Variants in JAK1 observed in about 807,000 individuals in gnomAD.
The protein encoded by JAK1 is tyrosine-protein kinase JAK1.
Under a neutral mutation model 136.6 loss-of-function variants are expected in JAK1, and 16 were observed. The ratio of observed to expected loss-of-function variants is 0.12; its 90% CI spans 0.08 to 0.18. JAK1 has a LOEUF of 0.18. Among genes scored for constraint, JAK1 ranks in the 10% least tolerant of loss-of-function variants. The probability of loss-of-function intolerance (pLI) is 1.00; values close to 1 mark genes in which losing one functional copy is unlikely to be tolerated. For missense variants in JAK1, 859 were observed against 1,450.1 expected (o/e 0.59, Z 6.62); for synonymous variants, 492 against 519.5 (o/e 0.95, Z 0.72).
rs573543141 is a variant in JAK1, at chr1:64,922,846, C to T, written c.-77-36505G>A. On this transcript the variant is annotated intron_variant, in intron 1 of 24. Transcript: ENST00000342505. Reference sequence around the variant, plus strand: ...TCAAACCTGAGTTTAAATCCTGGCTCTGCCACTTATGAGCTCTGTGTGGTC... The same window carrying T: ...TCAAACCTGAGTTTAAATCCTGGCTTTGCCACTTATGAGCTCTGTGTGGTC... Among the ~76,000 whole-genome samples, 9 of 152,284 alleles carry T rather than the reference C, an allele frequency of 5.9e-5. No homozygotes were observed. The South Asian group carries it at 1.5e-3, about 25-fold the overall frequency.
chr1:64,903,263 G>A (rs946179011), intron 1 of JAK1, among the ~76,000 whole-genome samples: 1 of 152,170 alleles, frequency 6.6e-6, no homozygotes, highest in Non-Finnish European at 1.5e-5. Context: ...CTGACCTCAG[G>A]TGATCCACCG....
chr1:65,046,229 A>T (rs1243240552), intron 1 of JAK1, among the ~76,000 whole-genome samples: 1 of 152,188 alleles, frequency 6.6e-6, no homozygotes, highest in Non-Finnish European at 1.5e-5. Context: ...ACAATAGTTT[A>T]CTTTGAAAGA....
rs777264397 is a variant in JAK1 at position 64,847,652 on chromosome 1, C to T, written c.1779G>A (p.Thr593=). 6.2e-6 allele frequency: 10 copies of T among 1,613,974 alleles called. No homozygotes were observed. Among genetic ancestry groups the T allele is most frequent in the Admixed American group, 5.0e-5 (3 of 59,988 alleles). Residue 593 remains threonine (T), a synonymous_variant, in exon 13 of 25, where the codon ACG becomes ACA. Transcript: ENST00000342505. ...GGGTCCCAGAATAGATGTGTGTTCT[C>T]GTGCCTCTCCCAAGGTGCTCGCCCT... The part of the protein sequence containing the change: ...LVQGEHLGRG[T]RTHIYSGTLM...
chr1:64,859,969 G>C, intron 9 of JAK1, 136 bp downstream of exon 9: 1 of 639,222 alleles, frequency 1.6e-6, no homozygotes, highest in Non-Finnish European at 2.5e-6. Flanking sequence ...TTGGACAGCA[G>C]GGAGGAAAGG....
chr1:64,914,506 C>A (rs1025289494), intron 1 of JAK1, among the ~76,000 whole-genome samples: 2 of 152,302 alleles, frequency 1.3e-5, no homozygotes, highest in African/African-American at 4.8e-5. Context: ...CTATCCAAGG[C>A]TGACCTCTTT....
At chr1:64,877,953 G>T (rs1043553573) in intron 4 of JAK1, among the ~76,000 whole-genome samples, 1 of 152,204 alleles carries the variant, frequency 6.6e-6, no homozygotes, top group African/African-American at 2.4e-5. Flanking sequence ...GCCCTAGGAT[G>T]ATTATCAAAG....
At chr1:65,048,476 G>C (rs1647210215) in intron 1 of JAK1, among the ~76,000 whole-genome samples, 1 of 152,162 alleles carries the variant, frequency 6.6e-6, no homozygotes, top group South Asian at 2.1e-4. Flanking sequence ...ACTAGGAGTT[G>C]GACTAAGGTC....
chr1:64,866,646 G>A (rs1350004181), intron 7 of JAK1, among the ~76,000 whole-genome samples: 1 of 152,052 alleles, frequency 6.6e-6, no homozygotes, highest in Non-Finnish European at 1.5e-5. Flanking sequence ...ATACTACTAC[G>A]TATTATACAT....
intron 2 of JAK1, among the ~76,000 whole-genome samples, chr1:64,971,563 T>C (rs1569788816): frequency 9.7e-6 from 1 of 102,906 alleles, no homozygotes. Context: ...TCTGTCATAC[T>C]TTTTTTTTTT....
intron 1 of JAK1, among the ~76,000 whole-genome samples, chr1:64,954,958 C>T (rs1353058441): frequency 4.6e-5 from 7 of 152,176 alleles, no homozygotes; most frequent in Admixed American, 6.5e-5. Flanking sequence ...ATAACTTGCC[C>T]GAATTTATTT....
At chr1:64,958,873 G>A (rs2100617695) in intron 1 of JAK1, among the ~76,000 whole-genome samples, 1 of 152,282 alleles carries the variant, frequency 6.6e-6, no homozygotes, top group African/African-American at 2.4e-5. Context: ...AAACAAATAA[G>A]AGTTGCATTC....
intron 2 of JAK1, among the ~76,000 whole-genome samples, chr1:64,998,774 C>G (rs501071): frequency 0.014 from 2,148 of 152,218 alleles, 53 homozygotes; most frequent in African/African-American, 0.05. Context: ...TGCCTGCTGC[C>G]GTCCATGTAA....
chr1:64,855,207 C>A (rs946959209), intron 11 of JAK1, among the ~76,000 whole-genome samples: 2 of 152,204 alleles, frequency 1.3e-5, no homozygotes, highest in East Asian at 3.8e-4. Flanking sequence ...TGACAGGAGA[C>A]TCCTCAAGGC....
intron 2 of JAK1, among the ~76,000 whole-genome samples, chr1:64,885,863 A>T (rs1408324279): frequency 6.6e-6 from 1 of 152,240 alleles, no homozygotes; most frequent in Non-Finnish European, 1.5e-5. Flanking sequence ...GGATAACATA[A>T]AGCTGCATAT....
At chr1:64,922,293 C>T (rs1013613131) in intron 1 of JAK1, among the ~76,000 whole-genome samples, 5 of 151,960 alleles carry the variant, frequency 3.3e-5, no homozygotes, top group Admixed American at 2.6e-4. Context: ...TCATTGGTAG[C>T]TACAACTAAC....
At chr1:64,902,583 A>AGAGAGAGTGTGTGTGTGTGTGT in intron 1 of JAK1, among the ~76,000 whole-genome samples, 38 of 73,760 alleles carry the variant, frequency 5.2e-4, no homozygotes, top group Non-Finnish European at 7.4e-4. Flanking sequence ...AGAGAGAGAG[A>AGAGAGAGTGTGTGTGTGTGTGT]GTGTGTGTGT....
chr1:64,888,116 A>G (rs938927086), intron 1 of JAK1, among the ~76,000 whole-genome samples: 8 of 152,248 alleles, frequency 5.3e-5, no homozygotes, highest in Non-Finnish European at 1.2e-4. Flanking sequence ...CACCAGGCCC[A>G]GGCTCCATTC....
chr1:65,039,940 C>A (rs886989682), intron 2 of JAK1, among the ~76,000 whole-genome samples: 3 of 152,084 alleles, frequency 2.0e-5, no homozygotes, highest in Admixed American at 2.0e-4. Flanking sequence ...TGCGAAGAGG[C>A]ACAGTGGCTT....
At chr1:64,994,395 GTAAACAAAA>G (rs1410878342) in intron 2 of JAK1, among the ~76,000 whole-genome samples, 1 of 152,200 alleles carries the variant, frequency 6.6e-6, no homozygotes, top group Non-Finnish European at 1.5e-5. Context: ...TTATGTGGCT[GTAAACAAAA>G]TACCTGAGAC....
Sources: gnomAD v4.1 joint callset for allele counts (sites outside exome capture counted in the v4.1 genomes callset) on GRCh38, gnomAD v4.1.1 for gene constraint, MANE v1.5 for transcripts, NCBI Gene and HGNC (gene_info 2026-07-23, HGNC 2026-07-21) for gene names.